SCAF1: variants seen among roughly 807,000 people sequenced by gnomAD.
SCAF1 encodes the protein SR-related CTD associated factor 1.
A neutral mutation model predicts 91.2 loss-of-function variants in SCAF1; 28 were observed. The observed-to-expected ratio is 0.31, with a 90% CI of 0.23 to 0.42. The LOEUF (loss-of-function observed/expected upper bound fraction) is 0.42, where lower values mean the gene tolerates loss of function less well. Among genes scored for constraint, SCAF1 ranks in the 10% least tolerant of loss-of-function variants. The pLI, the probability that SCAF1 is intolerant of heterozygous loss-of-function variation, is 1.00. For synonymous variants in SCAF1, 1,036 were observed against 833.7 expected, an observed-to-expected ratio of 1.24 and a Z score of -4.18; for missense variants, 1,893 against 1,872.1, an observed-to-expected ratio of 1.01 and a Z score of -0.21.
At chr19:49,644,860 C>A in intron 1 of SCAF1, 161 bp from the exon 2 acceptor site, 1 of 600,760 alleles carries the variant, frequency 1.7e-6, no homozygotes, top group Non-Finnish European at 3.0e-6. Context: ...CCAGCGCCCA[C>A]CCAAGCACAG....
chr19:49,652,810 C>T lies in SCAF1; in HGVS notation c.2421C>T (p.Pro807=), dbSNP rs921726682. The T allele has an allele frequency of 1.2e-6, 2 of 1,613,932 alleles. No homozygotes were observed. The highest frequency in any genetic ancestry group is 1.3e-5 in the African/African-American group (1 of 75,046). ...PPKESAPSSG[P]PPKPPVSSGS... ...AGGAGTCGGCGCCTTCCTCAGGGCCCCCGCCAAAGCCACCAGTCAGCAGCG... is the reference window on the plus strand; with the variant it reads ...AGGAGTCGGCGCCTTCCTCAGGGCCTCCGCCAAAGCCACCAGTCAGCAGCG... The change falls in exon 7 of 11, where the codon CCC becomes CCT. Residue 807 remains proline, a synonymous_variant. Transcript: ENST00000360565.
At chr19:49,649,499 TTTTG>T (rs2081073731) in intron 6 of SCAF1, among the ~76,000 whole-genome samples, 3 of 152,182 alleles carry the variant, frequency 2.0e-5, no homozygotes, top group African/African-American at 7.2e-5. Context: ...TTGATATTTT[TTTTG>T]TTTGTTTTTG....
chr19:49,644,854 C>T (rs1246166491), intron 1 of SCAF1, 167 bp from the exon 2 acceptor site: 8 of 588,200 alleles, frequency 1.4e-5, no homozygotes, highest in South Asian at 6.1e-5. Context: ...CTGGGTCCAG[C>T]GCCCACCCAA....
Position 49,646,423 on chromosome 19 carries a change from A to C in SCAF1, c.262-103A>C. 9.4e-7 allele frequency: 1 copy of C among 1,062,778 alleles called. No homozygotes were observed. Among genetic ancestry groups the C allele is most frequent in the Non-Finnish European group, 1.4e-6 (1 of 698,706 alleles). The allele number at this position is 1,062,778 out of a possible 1,614,324, so 65.8% of individuals were successfully genotyped here. On this transcript the variant is annotated intron_variant, in intron 4 of 10. Coordinates refer to ENST00000360565, the MANE Select transcript of SCAF1 (RefSeq NM_021228.3). This position sits in a 1 kb window ranked among gnomAD's most constrained non-coding sequence, Gnocchi z 5.6. Reference sequence around the variant, plus strand: ...AATTAGATCCTCAGTTTTCTTGGGGATCTTAGATGTCTGGGTTCCTGAGAG... The same window carrying C: ...AATTAGATCCTCAGTTTTCTTGGGGCTCTTAGATGTCTGGGTTCCTGAGAG...
chr19:49,650,733 C>A, intron 6 of SCAF1, 135 bp from the exon 7 acceptor site: 1 of 635,764 alleles, frequency 1.6e-6, no homozygotes, highest in Non-Finnish European at 2.8e-6. Context: ...CATCCTACGG[C>A]TGGCTCCTGT....
At position 49,651,091 on chromosome 19, in the gene SCAF1, C is replaced by T. The variant is rs201758164; in HGVS notation, c.702C>T (p.Thr234=). The change falls in exon 7 of 11, where the codon ACC becomes ACT. Residue 234 remains threonine, a synonymous_variant. Transcript: ENST00000360565. ...RFDIYDPFHP[T]DEAYSPPPAP... ...ATATCTATGACCCCTTCCACCCCACCGACGAGGCCTACTCTCCACCGCCTG... is the reference window on the plus strand; with the variant it reads ...ATATCTATGACCCCTTCCACCCCACTGACGAGGCCTACTCTCCACCGCCTG... The T allele has an allele frequency of 1.9e-6, 3 of 1,599,466 alleles. No homozygotes were observed. Among genetic ancestry groups the T allele is most frequent in the African/African-American group, 1.4e-5 (1 of 72,962 alleles).
Position 49,652,452 on chromosome 19 carries a change from C to T in SCAF1, c.2063C>T (p.Pro688Leu). ...RDSRRRGAVP[P>L]SIQDLTDHDL... ...AGCCGCCGCCGGGGGGCCGTGCCAC[C>T]CTCCATCCAGGACCTCACGGACCAC... The change falls in exon 7 of 11, where the codon CCC becomes CTC. Residue 688 changes from proline (P) to leucine (L), a missense_variant. Pro to Leu is a moderately conservative substitution (Grantham distance 98, BLOSUM62 -3). Coordinates refer to ENST00000360565, the MANE Select transcript of SCAF1 (RefSeq NM_021228.3). 6.2e-7 allele frequency: 1 copy of T among 1,602,790 alleles called. No individual in the cohort carries two copies. The highest frequency in any genetic ancestry group is 8.5e-7 in the Non-Finnish European group (1 of 1,178,174).
rs748334479 is a variant in SCAF1, at chr19:49,652,857, C to T, written c.2468C>T (p.Ser823Leu). 4.3e-6 allele frequency: 7 copies of T among 1,613,946 alleles called. No homozygotes were observed. In the South Asian group the frequency reaches 4.4e-5, roughly 10 times the overall value. Residue 823 changes from serine (S) to leucine (L), a missense_variant, in exon 7 of 11, where the codon TCG becomes TTG. By Grantham distance (145) the Ser-to-Leu change is moderately radical. This residue lies in a region of SCAF1 where 1,436 missense variants were observed against 1,306.8 expected (regional missense o/e 1.10). Coordinates refer to ENST00000360565, the MANE Select transcript of SCAF1 (RefSeq NM_021228.3). ...AGCGGCTCAGGCTCTTCATCCTCGT[C>T]GTCCTCCTGTTCTTCCCGGAAGGTG... ...VSSGSGSSSS[S>L]SSCSSRKVKL...
In SCAF1 at chr19:49,650,937, G is replaced by A. The variant is rs1403929331; in HGVS notation, c.548G>A (p.Gly183Asp). 2 of 1,599,498 alleles carry A rather than the reference G, an allele frequency of 1.3e-6. No individual in the cohort carries two copies. The highest frequency in any genetic ancestry group is 1.7e-6 in the Non-Finnish European group (2 of 1,172,062). Reference sequence around the variant, plus strand: ...CTCACCTTGGGCACGGGAGACGGGGGCCCTGCCCCACCCCCTGCCCCCTCC... The same window carrying A: ...CTCACCTTGGGCACGGGAGACGGGGACCCTGCCCCACCCCCTGCCCCCTCC... ...RHLTLGTGDGGPAPPPAPSSA... is the reference protein window; with the variant it reads ...RHLTLGTGDGDPAPPPAPSSA... The change falls in exon 7 of 11, where the codon GGC (glycine) becomes GAC (aspartate). Residue 183 changes from glycine (G) to aspartate (D), a missense_variant. By Grantham distance (94) the Gly-to-Asp change is moderately conservative. Transcript: ENST00000360565.
intron 9 of SCAF1, among the ~76,000 whole-genome samples, chr19:49,655,528 A>G (rs908452052): frequency 6.6e-6 from 1 of 152,016 alleles, no homozygotes; most frequent in Admixed American, 6.6e-5. Flanking sequence ...CACCACACCC[A>G]GCTAATTTTT....
At chr19:49,644,577 G>A (rs2081043900) in intron 1 of SCAF1, among the ~76,000 whole-genome samples, 1 of 152,184 alleles carries the variant, frequency 6.6e-6, no homozygotes, top group African/African-American at 2.4e-5. Flanking sequence ...CCAGCACATT[G>A]GCCTTGGGAA....
intron 6 of SCAF1, 31 bp from the exon 7 acceptor site, chr19:49,650,837 T>C (rs1271071952): frequency 3.2e-6 from 5 of 1,570,748 alleles, no homozygotes; most frequent in Non-Finnish European, 4.3e-6. Flanking sequence ...GCAAAGGCCC[T>C]GACCGCCTCT....
At chr19:49,653,730 G>T (rs1405573288) in intron 7 of SCAF1, 25 bp downstream of exon 7, 3 of 1,496,214 alleles carry the variant, frequency 2.0e-6, no homozygotes, top group Non-Finnish European at 2.7e-6. Flanking sequence ...GGGGAGGGTG[G>T]TGCTGGGGCA....
chr19:49,647,258 T>C (rs980367046), intron 6 of SCAF1, among the ~76,000 whole-genome samples: 7 of 152,264 alleles, frequency 4.6e-5, no homozygotes, highest in Non-Finnish European at 1.0e-4. Flanking sequence ...ATGTCTGAGA[T>C]GTGCGCTGCC....
intron 7 of SCAF1, 135 bp from the exon 8 acceptor site, chr19:49,654,214 A>G (rs1191856954): frequency 2.8e-6 from 2 of 710,650 alleles, no homozygotes; most frequent in African/African-American, 1.8e-5. Context: ...CCCTTTTCCC[A>G]GTTCTGAGCG....
chr19:49,657,763 T>C lies in SCAF1; in HGVS notation c.3621T>C (p.Tyr1207=). 2 of 1,600,196 alleles carry C rather than the reference T, an allele frequency of 1.2e-6. No homozygotes were observed. Among genetic ancestry groups the C allele is most frequent in the Non-Finnish European group, 1.7e-6 (2 of 1,173,050 alleles). The change falls in exon 10 of 11, where the codon TAT becomes TAC. Residue 1207 remains tyrosine, a splice_region_variant and synonymous_variant. Coordinates refer to ENST00000360565, the MANE Select transcript of SCAF1 (RefSeq NM_021228.3). ...CCCCGCTGTCGCCACCCCACCAGTA[T>C]CTGAAGAAGCTGCACACGCAGGAGC... ...SSEGRGDTDK[Y]LKKLHTQERA...
At chr19:49,654,574 C>G in intron 8 of SCAF1, 78 bp from the exon 9 acceptor site, 1 of 1,373,700 alleles carries the variant, frequency 7.3e-7, no homozygotes, top group Non-Finnish European at 1.0e-6. Context: ...GGGAAGTCAG[C>G]GTGGGAACAG....
At position 49,646,795 on chromosome 19, in the gene SCAF1, T is replaced by C; in HGVS notation, c.443T>C (p.Leu148Pro). Residue 148 changes from leucine (L) to proline (P), a missense_variant, in exon 6 of 11, where the codon CTG (leucine) becomes CCG (proline). This residue lies in a region of SCAF1 where 270 missense variants were observed against 292.5 expected (regional missense o/e 0.92). Coordinates refer to ENST00000360565, the MANE Select transcript of SCAF1 (RefSeq NM_021228.3). This position sits in a 1 kb window ranked among gnomAD's most constrained non-coding sequence, Gnocchi z 5.6. Reference sequence around the variant, plus strand: ...ATCCCTCTGCCTGTGCCCAGCCTGCTGCCCCGTCTCAGGGCCTGGAGGACG... The same window carrying C: ...ATCCCTCTGCCTGTGCCCAGCCTGCCGCCCCGTCTCAGGGCCTGGAGGACG... ...DPIPLPVPSL[L>P]PRLRAWRTGK... 1 of 1,613,528 alleles carries C rather than the reference T, an allele frequency of 6.2e-7. No individual in the cohort carries two copies. The highest frequency in any genetic ancestry group is 1.3e-5 in the African/African-American group (1 of 75,024).
Position 49,653,364 on chromosome 19 carries a change from C to A in SCAF1, c.2975C>A (p.Ser992Ter). 1 of 1,503,082 alleles carries A rather than the reference C, an allele frequency of 6.7e-7. No individual in the cohort carries two copies. The highest frequency in any genetic ancestry group is 2.4e-5 in the East Asian group (1 of 42,082). 93.1% of individuals were successfully genotyped at this position (1,503,082 alleles called of 1,614,324 possible). A position where few individuals can be genotyped will look rare whatever the true frequency, so the allele number is the denominator to read the frequency against. Residue 992 changes from serine to a stop codon, truncating the protein, a stop_gained, in exon 7 of 11, where the codon TCG (serine) becomes TAG (stop). Coordinates refer to ENST00000360565, the MANE Select transcript of SCAF1 (RefSeq NM_021228.3). LOFTEE classifies it high-confidence loss of function. ...APPPPALTPDSQTVDSSCKTP... is the reference protein window; with the variant it reads ...APPPPALTPD ...CCACCCCCTGCCCTCACTCCGGACT[C>A]GCAGACCGTGGACAGCAGCTGCAAG...
Sources: allele counts gnomAD v4.1 joint callset (sites outside exome capture counted in the v4.1 genomes callset), GRCh38; gene constraint gnomAD v4.1.1; regional missense constraint gnomAD v4.1.1; non-coding constraint Gnocchi (gnomAD v3.1); transcripts MANE v1.5; gene names NCBI Gene and HGNC (gene_info 2026-07-23, HGNC 2026-07-21).